RUFY3: variants seen among roughly 807,000 people sequenced by gnomAD.
RUFY3 encodes RUN and FYVE domain containing 3.
In RUFY3, 34 loss-of-function variants were observed where a neutral mutation model predicts 84.0. The observed-to-expected ratio is 0.40, with a 90% CI of 0.31 to 0.54. The LOEUF (loss-of-function observed/expected upper bound fraction) is 0.54, where lower values mean the gene tolerates loss of function less well. Ranked by LOEUF, RUFY3 falls within the 20% of genes least tolerant of loss-of-function variation. The pLI, the probability that RUFY3 is intolerant of heterozygous loss-of-function variation, is 0.39. For synonymous variants in RUFY3, 242 were observed against 252.9 expected (o/e 0.96, Z 0.41); for missense variants, 507 against 736.8 (o/e 0.69, Z 3.61).
intron 1 of RUFY3, among the ~76,000 whole-genome samples, chr4:70,742,141 A>G (rs900693269): frequency 6.6e-6 from 1 of 152,058 alleles, no homozygotes; most frequent in Non-Finnish European, 1.5e-5. Context: ...TTCTGGTGTA[A>G]TTATTTTTTG....
Position 70,754,910 on chromosome 4 carries a change from C to CTT in RUFY3, c.179-7603_179-7602dup, listed in dbSNP as rs555278990. Among the ~76,000 whole-genome samples the CTT allele has an allele frequency of 3.5e-3, 426 of 121,354 alleles. 3 individuals are homozygous for CTT. The highest frequency in any genetic ancestry group is 0.013 in the African/African-American group (412 of 32,786). 79.6% of individuals were successfully genotyped at this position (121,354 alleles called of 152,430 possible). On this transcript the variant is annotated intron_variant, in intron 1 of 17. Transcript: ENST00000381006. ...CTCATATTAAAGCTTTTTTTTTTTT[C>CTT]TTTTTTTCTTGAGACGGGGGTATCA... is the stretch of plus-strand genomic sequence containing the variant.
chr4:70,748,686 C>T (rs78441103), intron 1 of RUFY3, among the ~76,000 whole-genome samples: 3,161 of 152,242 alleles, frequency 0.021, 121 homozygotes, highest in East Asian at 0.16. Flanking sequence ...CTTCTTGGAC[C>T]AGAGTCCCAT....
intron 1 of RUFY3, among the ~76,000 whole-genome samples, chr4:70,738,753 A>G (rs1484621970): frequency 2.7e-5 from 4 of 150,840 alleles, no homozygotes; most frequent in Non-Finnish European, 4.4e-5. Context: ...TATTTTTATT[A>G]TTTATATTAT....
chr4:70,704,991 C>G (rs1740093498), exon 1 of RUFY3: 2 of 1,225,544 alleles, frequency 1.6e-6, no homozygotes, highest in Non-Finnish European at 1.0e-6. Context: ...CAGCGAGGAG[C>G]CGGCGAGGGG....
intron 1 of RUFY3, among the ~76,000 whole-genome samples, chr4:70,761,151 A>G (rs1227654423): frequency 1.3e-5 from 2 of 152,170 alleles, no homozygotes; most frequent in Admixed American, 1.3e-4. Context: ...AGTTTTCAGT[A>G]CAAATTTGGT....
At chr4:70,710,452 C>T (rs1279717632) in intron 1 of RUFY3, among the ~76,000 whole-genome samples, 3 of 152,066 alleles carry the variant, frequency 2.0e-5, no homozygotes, top group Non-Finnish European at 4.4e-5. Context: ...AGGCGGATCA[C>T]CTGAGGTCGG....
intron 1 of RUFY3, among the ~76,000 whole-genome samples, chr4:70,710,771 T>A (rs1396088027): frequency 6.7e-6 from 1 of 150,374 alleles, no homozygotes; most frequent in Non-Finnish European, 1.5e-5. Context: ...TATAAAGAGA[T>A]ATGTCAATGG....
rs1742469218 is a variant in RUFY3, at chr4:70,722,668, G to A, written c.95G>A (p.Arg32Gln). 2 of 1,614,052 alleles carry A rather than the reference G, an allele frequency of 1.2e-6. No homozygotes were observed. Among genetic ancestry groups the A allele is most frequent in the Non-Finnish European group, 1.7e-6 (2 of 1,180,012 alleles). The change falls in exon 1 of 18, where the codon CGA becomes CAA. Residue 32 changes from arginine to glutamine, a missense_variant. Arg to Gln is a conservative substitution (Grantham distance 43). Around this residue, in one of 4 missense-constraint regions of RUFY3, gnomAD observed 133 missense variants for 301.1 expected, o/e 0.44. Transcript: ENST00000381006. ...GAGACCATCTACCTTTGCAAATTCC[G>A]AGTGTCCATGGATGGAGAATGGCTC... ...AMETIYLCKFRVSMDGEWLCL... is the reference protein window; with the variant it reads ...AMETIYLCKFQVSMDGEWLCL...
At chr4:70,709,121 G>C (rs1271090279) in intron 1 of RUFY3, among the ~76,000 whole-genome samples, 1 of 152,196 alleles carries the variant, frequency 6.6e-6, no homozygotes, top group Non-Finnish European at 1.5e-5. Flanking sequence ...GAATTGTTTT[G>C]TTCCAAAATC....
At chr4:70,803,257 T>G (rs16845457) in intron 16 of RUFY3, 7,674 of 341,758 alleles carry the variant, frequency 0.022, 135 homozygotes, top group African/African-American at 0.048. Context: ...TTTCCTCTAG[T>G]TTTTCCTTAC....
chr4:70,805,788 G>A (rs79905614), intron 17 of RUFY3, among the ~76,000 whole-genome samples: 1 of 152,174 alleles, frequency 6.6e-6, no homozygotes, highest in Non-Finnish European at 1.5e-5. Flanking sequence ...ACCTCAGGAA[G>A]ATGAATTATT....
chr4:70,802,145 G>GT (rs927880750), intron 15 of RUFY3, among the ~76,000 whole-genome samples: 2 of 152,190 alleles, frequency 1.3e-5, no homozygotes, highest in African/African-American at 4.8e-5. Flanking sequence ...CATGTCTACT[G>GT]TTTTTAAGTC....
chr4:70,803,689 G>A (rs1403975673), intron 16 of RUFY3, among the ~76,000 whole-genome samples: 2 of 151,828 alleles, frequency 1.3e-5, no homozygotes, highest in East Asian at 3.9e-4. Context: ...TGGGATTACA[G>A]GTGTGAGCTT....
chr4:70,768,932 A>T (rs1726462692), intron 5 of RUFY3, among the ~76,000 whole-genome samples: 1 of 152,186 alleles, frequency 6.6e-6, no homozygotes, highest in Non-Finnish European at 1.5e-5. Flanking sequence ...TTACATACAC[A>T]TACATACACA....
chr4:70,725,791 C>G (rs1718135599), intron 1 of RUFY3, among the ~76,000 whole-genome samples: 1 of 152,168 alleles, frequency 6.6e-6, no homozygotes, highest in Non-Finnish European at 1.5e-5. Context: ...GATCACCAGA[C>G]CGACATAGGG....
chr4:70,709,360 G>A (rs865956970), intron 1 of RUFY3, among the ~76,000 whole-genome samples: 1 of 152,176 alleles, frequency 6.6e-6, no homozygotes, highest in Non-Finnish European at 1.5e-5. Context: ...TTGTTTAAAT[G>A]TTTCATAATA....
chr4:70,717,803 G>C (rs1412682363), upstream of RUFY3, among the ~76,000 whole-genome samples: 17 of 150,044 alleles, frequency 1.1e-4, no homozygotes, highest in Admixed American at 4.7e-4. Flanking sequence ...GCTGAACTTT[G>C]GTTTCATTGT....
At chr4:70,756,783 GGAGTTCTTACT>G (rs1724095194) in intron 1 of RUFY3, among the ~76,000 whole-genome samples, 1 of 151,982 alleles carries the variant, frequency 6.6e-6, no homozygotes, top group African/African-American at 2.4e-5. Context: ...TACCATTGTT[GGAGTTCTTACT>G]GCAGTGTAGT....
chr4:70,743,068 A>ATATT (rs1223621326), intron 1 of RUFY3, among the ~76,000 whole-genome samples: 3 of 151,726 alleles, frequency 2.0e-5, no homozygotes, highest in East Asian at 1.9e-4. Flanking sequence ...TATTATTATT[A>ATATT]TATTTATTTA....
Sources: gnomAD v4.1 joint callset for allele counts (sites outside exome capture counted in the v4.1 genomes callset) on GRCh38, gnomAD v4.1.1 for gene constraint, gnomAD v4.1.1 regional missense constraint, MANE v1.5 for transcripts, NCBI Gene and HGNC (gene_info 2026-07-23, HGNC 2026-07-21) for gene names.